Variants in ETV6 observed in about 807,000 individuals in gnomAD.
The protein encoded by ETV6 is transcription factor ETV6.
ETV6 carries 16 observed loss-of-function variants against 51.1 expected under a neutral mutation model. The observed-to-expected ratio is 0.31, with a 90% CI of 0.21 to 0.48. ETV6 has a LOEUF of 0.48. Among genes scored for constraint, ETV6 ranks in the 20% least tolerant of loss-of-function variants. The pLI is 0.99. For synonymous variants in ETV6, 240 were observed against 224.1 expected, an observed-to-expected ratio of 1.07 and a Z score of -0.64; for missense variants, 458 against 594.8, an observed-to-expected ratio of 0.77 and a Z score of 2.39.
intron 2 of ETV6, among the ~76,000 whole-genome samples, chr12:11,820,508 G>A (rs376869876): frequency 3.3e-5 from 5 of 152,320 alleles, no homozygotes; most frequent in South Asian, 2.1e-4. Flanking sequence ...ACAGATATGC[G>A]ATGTTAGAAG....
intron 3 of ETV6, among the ~76,000 whole-genome samples, chr12:11,846,128 A>C (rs902217643): frequency 6.6e-6 from 1 of 152,096 alleles, no homozygotes; most frequent in African/African-American, 2.4e-5. Context: ...ACCGAAGCTT[A>C]GGGCTTCATC....
intron 1 of ETV6, among the ~76,000 whole-genome samples, chr12:11,667,785 C>T (rs1040585089): frequency 2.7e-5 from 4 of 149,818 alleles, no homozygotes; most frequent in African/African-American, 9.8e-5. Flanking sequence ...TTACTGCAGC[C>T]TCCGCCTCCC....
chr12:11,810,440 T>G (rs999594630), intron 2 of ETV6, among the ~76,000 whole-genome samples: 1 of 152,164 alleles, frequency 6.6e-6, no homozygotes, highest in African/African-American at 2.4e-5. Flanking sequence ...GTATGGAGGG[T>G]GCATGTGTGA....
At chr12:11,855,099 T>A (rs1349820507) in intron 4 of ETV6, among the ~76,000 whole-genome samples, 1 of 146,586 alleles carries the variant, frequency 6.8e-6, no homozygotes, top group Non-Finnish European at 1.5e-5. Flanking sequence ...ATCAAGACCG[T>A]CCTGGCTAAC....
intron 4 of ETV6, among the ~76,000 whole-genome samples, chr12:11,856,182 C>A (rs768163224): frequency 2.6e-5 from 4 of 152,134 alleles, no homozygotes; most frequent in Non-Finnish European, 4.4e-5. Flanking sequence ...ATAGAGAAAG[C>A]TGGCTTACTC....
intron 4 of ETV6, among the ~76,000 whole-genome samples, chr12:11,866,657 C>G (rs77728002): frequency 7.1e-4 from 108 of 152,326 alleles, no homozygotes; most frequent in Non-Finnish European, 1.4e-3. Context: ...GGGTAACAAA[C>G]AGCCTGAAGT....
At chr12:11,870,058 C>A in intron 5 of ETV6, 89 bp downstream of exon 5, 1 of 1,452,528 alleles carries the variant, frequency 6.9e-7, no homozygotes, top group Non-Finnish European at 9.2e-7. Context: ...CAGCCTCGCA[C>A]CATTCCCAAT....
chr12:11,716,390 A>G (rs1865281758), intron 1 of ETV6, among the ~76,000 whole-genome samples: 2 of 145,648 alleles, frequency 1.4e-5, no homozygotes. Flanking sequence ...TGTGAAGATC[A>G]GGGCTGTGAT....
chr12:11,862,855 T>C (rs769211498), intron 4 of ETV6, among the ~76,000 whole-genome samples: 1 of 152,212 alleles, frequency 6.6e-6, no homozygotes, highest in Non-Finnish European at 1.5e-5. Flanking sequence ...ATATGAAATA[T>C]AGTTTGAATT....
chr12:11,868,070 C>T (rs1192780348), intron 4 of ETV6, among the ~76,000 whole-genome samples: 1 of 152,186 alleles, frequency 6.6e-6, no homozygotes, highest in Admixed American at 6.5e-5. Flanking sequence ...GTCCATCCAT[C>T]CTGCTTCTTC....
intron 1 of ETV6, among the ~76,000 whole-genome samples, chr12:11,676,844 C>G (rs111745872): frequency 0.03 from 4,562 of 152,162 alleles, 252 homozygotes; most frequent in African/African-American, 0.1. Flanking sequence ...AGAATTTGGT[C>G]TTTGATTTTT....
intron 2 of ETV6, among the ~76,000 whole-genome samples, chr12:11,773,353 T>C (rs1945271258): frequency 6.6e-6 from 1 of 151,994 alleles, no homozygotes; most frequent in South Asian, 2.1e-4. Flanking sequence ...ATCTTTCTGC[T>C]CAAGTCTCAA....
At chr12:11,851,484 A>G (rs1425966656) in intron 3 of ETV6, among the ~76,000 whole-genome samples, 1 of 152,228 alleles carries the variant, frequency 6.6e-6, no homozygotes, top group Non-Finnish European at 1.5e-5. Flanking sequence ...TCCCCGCCTC[A>G]TCAGAGACAT....
chr12:11,686,042 T>G (rs950046188), intron 1 of ETV6, among the ~76,000 whole-genome samples: 1 of 152,224 alleles, frequency 6.6e-6, no homozygotes, highest in Non-Finnish European at 1.5e-5. Flanking sequence ...AATTCCATTG[T>G]GTTATAAGAC....
intron 1 of ETV6, among the ~76,000 whole-genome samples, chr12:11,719,976 C>T (rs952686175): frequency 1.3e-5 from 2 of 152,170 alleles, no homozygotes; most frequent in Admixed American, 6.5e-5. Flanking sequence ...CTTTTACCGC[C>T]CCCTCTCCCA....
At chr12:11,863,054 C>T (rs182771790) in intron 4 of ETV6, among the ~76,000 whole-genome samples, 31 of 152,248 alleles carry the variant, frequency 2.0e-4, no homozygotes, top group Non-Finnish European at 3.4e-4. Context: ...GACCAGCATC[C>T]GTGGGCTTAG....
intron 2 of ETV6, among the ~76,000 whole-genome samples, chr12:11,757,041 T>A (rs991272401): frequency 6.6e-6 from 1 of 152,220 alleles, no homozygotes; most frequent in Non-Finnish European, 1.5e-5. Flanking sequence ...AACGTAGGAC[T>A]CATTCATCAT....
At chr12:11,840,633 C>T (rs1361492902) in intron 3 of ETV6, 6 of 391,272 alleles carry the variant, frequency 1.5e-5, no homozygotes, top group African/African-American at 8.3e-5. Flanking sequence ...CCCCAGCACC[C>T]GTATCTCCAC....
chr12:11,672,164 C>A (rs891829711), intron 1 of ETV6, among the ~76,000 whole-genome samples: 1 of 152,102 alleles, frequency 6.6e-6, no homozygotes, highest in Non-Finnish European at 1.5e-5. Context: ...CCTGTTCCTT[C>A]TGTCGCAAAA....
Sources: allele counts gnomAD v4.1 joint callset (sites outside exome capture counted in the v4.1 genomes callset), GRCh38; gene constraint gnomAD v4.1.1; transcripts MANE v1.5; gene names NCBI Gene and HGNC (gene_info 2026-07-23, HGNC 2026-07-21).